PTPN21: variants seen among roughly 807,000 people sequenced by gnomAD.
PTPN21 encodes the protein tyrosine-protein phosphatase non-receptor type 21.
Under a neutral mutation model 131.8 loss-of-function variants are expected in PTPN21, and 77 were observed. The ratio of observed to expected loss-of-function variants is 0.58; its 90% CI spans 0.49 to 0.71. The LOEUF is 0.71. Ranked by LOEUF, PTPN21 falls within the 30% of genes least tolerant of loss-of-function variation. The pLI is 0.00. For missense variants in PTPN21, 1,552 were observed against 1,527.1 expected (o/e 1.02, Z -0.27); for synonymous variants, 715 against 621.3 (o/e 1.15, Z -2.24).
At chr14:88,477,382 G>A (rs1242887929) in intron 13 of PTPN21, among the ~76,000 whole-genome samples, 3 of 136,268 alleles carry the variant, frequency 2.2e-5, no homozygotes, top group African/African-American at 8.1e-5. Flanking sequence ...CCAGGAGGCA[G>A]AGGTTGCAGT....
At chr14:88,513,795 T>G (rs1232821549) in intron 3 of PTPN21, 1 of 152,258 alleles carries the variant, frequency 6.6e-6, no homozygotes, top group African/African-American at 2.4e-5. Context: ...AGATATATAA[T>G]CATTGCCTCA....
At chr14:88,489,751 G>A (rs1480418509) in intron 10 of PTPN21, among the ~76,000 whole-genome samples, 1 of 152,134 alleles carries the variant, frequency 6.6e-6, no homozygotes, top group African/African-American at 2.4e-5. Flanking sequence ...TAAGGGTAAG[G>A]AAGAATAAAT....
intron 2 of PTPN21, among the ~76,000 whole-genome samples, chr14:88,540,715 T>A (rs1244152196): frequency 6.6e-6 from 1 of 152,144 alleles, no homozygotes; most frequent in Admixed American, 6.6e-5. Context: ...CAGGTTAGAG[T>A]GCAGTGGCAT....
intron 1 of PTPN21, 117 bp from the exon 2 acceptor site, chr14:88,550,736 G>C (rs867670659): frequency 3.7e-5 from 9 of 244,164 alleles, no homozygotes; most frequent in South Asian, 1.4e-4. Context: ...CTGGAAAAAA[G>C]GCACTAACAG....
At chr14:88,543,114 C>G (rs2078728975) in intron 2 of PTPN21, among the ~76,000 whole-genome samples, 1 of 152,122 alleles carries the variant, frequency 6.6e-6, no homozygotes, top group Non-Finnish European at 1.5e-5. Context: ...TTTGGAATAC[C>G]TAAGACACTA....
intron 2 of PTPN21, among the ~76,000 whole-genome samples, chr14:88,531,340 C>T (rs1023068977): frequency 6.6e-5 from 10 of 152,120 alleles, no homozygotes; most frequent in African/African-American, 1.9e-4. Context: ...TGGCAGATCA[C>T]GAGATCAGGA....
At position 88,469,857 on chromosome 14, in the gene PTPN21, C is replaced by CA; in HGVS notation, c.3000+64dup. ...CCTTTTTCTCCACAGGTCAGGATTCCAGATGATTAACATTAACTGTTCTTC... is the reference window on the plus strand; with the variant it reads ...CCTTTTTCTCCACAGGTCAGGATTCCAAGATGATTAACATTAACTGTTCTTC... On this transcript the variant is annotated intron_variant, in intron 16 of 18. Coordinates refer to ENST00000556564, the MANE Select transcript of PTPN21 (RefSeq NM_007039.4). This position sits in a 1 kb window ranked among gnomAD's most constrained non-coding sequence, Gnocchi z 4.3. 1 of 1,609,712 alleles carries CA rather than the reference C, an allele frequency of 6.2e-7. No homozygotes were observed.
chr14:88,521,114 G>C (rs750216728), intron 2 of PTPN21, among the ~76,000 whole-genome samples: 1 of 151,978 alleles, frequency 6.6e-6, no homozygotes, highest in Non-Finnish European at 1.5e-5. Context: ...AAAGTGCTGG[G>C]ATTACAGGAG....
Position 88,499,876 on chromosome 14 carries a change from A to T in PTPN21, c.764+907T>A, listed in dbSNP as rs766131718. On this transcript the variant is annotated intron_variant, in intron 8 of 18. Transcript: ENST00000556564. ...TATGGTCCAACTTACTATCTTTAAG[A>T]TACAAATTAGAACACAGAATACTAT... Among the ~76,000 whole-genome samples the T allele has an allele frequency of 1.4e-3, 210 of 152,338 alleles. 2 individuals carry two copies. The highest frequency in any genetic ancestry group is 2.4e-3 in the Non-Finnish European group (161 of 68,040).
At position 88,479,056 on chromosome 14, in the gene PTPN21, A is replaced by G. The variant is rs755452120; in HGVS notation, c.2375T>C (p.Leu792Pro). The G allele has an allele frequency of 3.5e-5, 57 of 1,606,900 alleles. No individual in the cohort carries two copies. In the South Asian group the frequency reaches 4.8e-4, roughly 13 times the overall value. Residue 792 changes from leucine (L) to proline (P), a missense_variant, in exon 13 of 19, where the codon CTG (leucine) becomes CCG (proline). By Grantham distance (98) the Leu-to-Pro change is moderately conservative. Transcript: ENST00000556564. ...GTCGGACTCCGACATGGAGGGCATC[A>G]GCAGCCCGTCTCTCCAGGGCCGCTG... is the stretch of plus-strand genomic sequence containing the variant. ...EAQRPWRDGL[L>P]MPSMSESDLT...
chr14:88,487,968 A>C (rs1476418208), intron 10 of PTPN21, among the ~76,000 whole-genome samples: 2 of 121,930 alleles, frequency 1.6e-5, no homozygotes, highest in Non-Finnish European at 3.5e-5. Context: ...TCCATCTCAA[A>C]AAAAAAAAAA....
intron 10 of PTPN21, among the ~76,000 whole-genome samples, chr14:88,495,902 C>T (rs561197712): frequency 1.4e-4 from 22 of 152,174 alleles, no homozygotes; most frequent in South Asian, 6.2e-4. Flanking sequence ...AGGAAACATA[C>T]AAGCATACAC....
At position 88,482,346 on chromosome 14, in the gene PTPN21, C is replaced by G. The variant is rs543093867; in HGVS notation, c.1079-1994G>C. Among the ~76,000 whole-genome samples the G allele has an allele frequency of 2.6e-5, 4 of 152,272 alleles. No homozygotes were observed. The South Asian group carries it at 8.3e-4, about 32-fold the overall frequency. On this transcript the variant is annotated intron_variant, in intron 12 of 18. Transcript: ENST00000556564. The stretch of plus-strand genomic sequence containing the variant: ...GCAAAAGAATGATCCTGCACACAGC[C>G]GTGTGCAGTGGCTCACACCTGTAAC...
At position 88,472,278 on chromosome 14, in the gene PTPN21, T is replaced by A. The variant is rs762342087; in HGVS notation, c.2837A>T (p.Asn946Ile). ...TGATGCGTTGATGTAACCAGTGTTG[T>A]TTTCTTTAGTTGGGACCAACTCCAC... ...VRVELVPTKE[N>I]NTGYINASHI... The change falls in exon 15 of 19, where the codon AAC becomes ATC. Residue 946 changes from asparagine to isoleucine, a missense_variant. Transcript: ENST00000556564. 6.2e-7 allele frequency: 1 copy of A among 1,613,612 alleles called. No homozygotes were observed. Among genetic ancestry groups the A allele is most frequent in the South Asian group, 1.1e-5 (1 of 91,056 alleles).
At chr14:88,509,222 T>A (rs1215627390) in intron 3 of PTPN21, among the ~76,000 whole-genome samples, 1 of 152,318 alleles carries the variant, frequency 6.6e-6, no homozygotes, top group South Asian at 2.1e-4. Flanking sequence ...GTCTATTATA[T>A]GTTAAGCATT....
chr14:88,505,173 T>C, intron 5 of PTPN21, 131 bp downstream of exon 5: 2 of 747,654 alleles, frequency 2.7e-6, no homozygotes, highest in Non-Finnish European at 4.4e-6. Flanking sequence ...GAGATGTTTA[T>C]AAGAGGGAAT....
At chr14:88,539,582 C>A (rs2078677283) in intron 2 of PTPN21, among the ~76,000 whole-genome samples, 2 of 152,056 alleles carry the variant, frequency 1.3e-5, no homozygotes, top group South Asian at 4.1e-4. Context: ...AGTAAATAGA[C>A]AATATCAACA....
Position 88,550,479 on chromosome 14 carries a change from C to CTGGGT in PTPN21, c.-63_-62insACCCA. 1.3e-6 allele frequency: 2 copies of CTGGGT among 1,481,604 alleles called. No homozygotes were observed. The highest frequency in any genetic ancestry group is 1.9e-6 in the Non-Finnish European group (2 of 1,079,114). 91.8% of individuals were successfully genotyped at this position (1,481,604 alleles called of 1,614,324 possible). On this transcript the variant is annotated 5_prime_UTR_variant, in exon 2 of 19. Coordinates refer to ENST00000556564, the MANE Select transcript of PTPN21 (RefSeq NM_007039.4). The stretch of plus-strand genomic sequence containing the variant: ...AAAAGCTACCCCCACCAACCCAGCG[C>CTGGGT]TGGTGACGCCAGGAGAAAGCGATCC...
intron 13 of PTPN21, among the ~76,000 whole-genome samples, chr14:88,477,798 C>T (rs1420993026): frequency 6.6e-6 from 1 of 152,100 alleles, no homozygotes; most frequent in Non-Finnish European, 1.5e-5. Flanking sequence ...GAGCTGGAAG[C>T]CTGAGCACTG....
Sources: gnomAD v4.1 joint callset for allele counts (sites outside exome capture counted in the v4.1 genomes callset) on GRCh38, gnomAD v4.1.1 for gene constraint, Gnocchi (gnomAD v3.1) non-coding constraint, MANE v1.5 for transcripts, NCBI Gene and HGNC (gene_info 2026-07-23, HGNC 2026-07-21) for gene names.